ZNF469: variants seen among roughly 807,000 people sequenced by gnomAD.
ZNF469 encodes the protein zinc finger protein 469.
ZNF469 carries 1 observed loss-of-function variant against 1.0 expected under a neutral mutation model. That is an observed-to-expected ratio of 1.00 (90% confidence interval 0.35 to 4.73). The LOEUF is 4.73. ZNF469 is among the 30% of genes most tolerant of loss of function. ZNF469 has a pLI of 0.16. For missense variants in ZNF469, 6,100 were observed against 5,356.3 expected (o/e 1.14, Z -4.33); for synonymous variants, 2,703 against 2,363.4 (o/e 1.14, Z -4.17).
rs563015267 is a variant in ZNF469, at chr16:88,439,850, G to A, written c.*518G>A. ...CTCACTACTTAGAAGGGTTGCTTCT[G>A]AGCCGCCTGGTCCCCCAAGAGCACA... On this transcript the variant is annotated 3_prime_UTR_variant, in exon 3 of 3. Transcript: ENST00000565624. The A allele has an allele frequency of 1.6e-3, 148 of 91,816 alleles. No homozygotes were observed. Among genetic ancestry groups the A allele is most frequent in the Non-Finnish European group, 2.8e-3 (122 of 43,462 alleles). 5.7% of individuals were successfully genotyped at this position (91,816 alleles called of 1,614,324 possible).
chr16:88,147,397 A>G, the ZNF469 span, among the ~76,000 whole-genome samples: 3 of 152,124 alleles, frequency 2.0e-5, no homozygotes, highest in Admixed American at 6.5e-5. Context: ...GACTGTGGCC[A>G]TCGTTCTGGC....
the ZNF469 span, among the ~76,000 whole-genome samples, chr16:88,361,283 G>A: frequency 6.6e-6 from 1 of 152,180 alleles, no homozygotes; most frequent in Non-Finnish European, 1.5e-5. Context: ...AAGCTTCCCT[G>A]GCTTACCTAC....
At chr16:88,301,750 T>C in the ZNF469 span, among the ~76,000 whole-genome samples, 12 of 152,190 alleles carry the variant, frequency 7.9e-5, no homozygotes, top group Non-Finnish European at 1.5e-4. Context: ...GTCCCTTCTG[T>C]CTCTGTGTAC....
chr16:88,126,425 T>G, the ZNF469 span, among the ~76,000 whole-genome samples: 8 of 151,370 alleles, frequency 5.3e-5, no homozygotes, highest in East Asian at 1.4e-3. Context: ...AGCTCTAGAC[T>G]TTACAGAGAT....
intron 1 of ZNF469, among the ~76,000 whole-genome samples, chr16:88,390,639 C>T (rs567466932): frequency 1.3e-5 from 2 of 152,328 alleles, no homozygotes; most frequent in East Asian, 3.9e-4. Flanking sequence ...TGCTAACATT[C>T]GGATGCCGCC....
At chr16:88,156,844 A>G in the ZNF469 span, among the ~76,000 whole-genome samples, 18 of 152,114 alleles carry the variant, frequency 1.2e-4, no homozygotes, top group Admixed American at 1.1e-3. Flanking sequence ...TCTTGTTGCC[A>G]TGCCAACAAC....
the ZNF469 span, among the ~76,000 whole-genome samples, chr16:88,232,540 C>T: frequency 3.9e-5 from 6 of 152,210 alleles, no homozygotes; most frequent in Non-Finnish European, 7.3e-5. Flanking sequence ...CTGCCCTTTG[C>T]GGAAATCATT....
At chr16:88,422,753 TGG>T (rs1905522966) in intron 1 of ZNF469, among the ~76,000 whole-genome samples, 2 of 6,656 alleles carry the variant, frequency 3.0e-4, no homozygotes, top group Admixed American at 0.01. Context: ...AGTGAATGGA[TGG>T]ATGGATGGAT....
the ZNF469 span, among the ~76,000 whole-genome samples, chr16:88,266,734 T>G: frequency 6.6e-6 from 1 of 152,116 alleles, no homozygotes; most frequent in Non-Finnish European, 1.5e-5. Flanking sequence ...CCTTCTGGAG[T>G]TGGAGCAAGT....
At chr16:88,258,114 C>T in the ZNF469 span, among the ~76,000 whole-genome samples, 8 of 152,274 alleles carry the variant, frequency 5.3e-5, no homozygotes, top group African/African-American at 1.7e-4. Context: ...TAGAAGCAGG[C>T]ATTGACAATT....
chr16:88,143,129 C>T, the ZNF469 span, among the ~76,000 whole-genome samples: 3 of 152,164 alleles, frequency 2.0e-5, no homozygotes, highest in Non-Finnish European at 4.4e-5. Context: ...CTGGAGAAGC[C>T]CTGGGGGGGT....
the ZNF469 span, among the ~76,000 whole-genome samples, chr16:88,310,266 T>A: frequency 6.6e-6 from 1 of 151,788 alleles, no homozygotes; most frequent in Non-Finnish European, 1.5e-5. Flanking sequence ...GCAGGAGAGG[T>A]TGGGGGAGGG....
At chr16:88,110,556 TG>T in the ZNF469 span, among the ~76,000 whole-genome samples, 2 of 152,242 alleles carry the variant, frequency 1.3e-5, no homozygotes, top group African/African-American at 4.8e-5. Flanking sequence ...TCCCCAGCCC[TG>T]GTGCAGCCTC....
the ZNF469 span, among the ~76,000 whole-genome samples, chr16:88,291,879 G>A: frequency 6.6e-6 from 1 of 152,162 alleles, no homozygotes; most frequent in Non-Finnish European, 1.5e-5. Flanking sequence ...CTGATGTGGT[G>A]CCTTCAGACC....
chr16:88,265,242 T>G, the ZNF469 span, among the ~76,000 whole-genome samples: 1 of 152,196 alleles, frequency 6.6e-6, no homozygotes, highest in Non-Finnish European at 1.5e-5. Context: ...AGGGGTGACT[T>G]CACCCGGTCG....
chr16:88,408,309 G>T (rs575158495), intron 1 of ZNF469, among the ~76,000 whole-genome samples: 2 of 152,188 alleles, frequency 1.3e-5, no homozygotes, highest in African/African-American at 4.8e-5. Flanking sequence ...CCACCACCAC[G>T]CCCGGCTAAT....
the ZNF469 span, among the ~76,000 whole-genome samples, chr16:88,341,398 G>A: frequency 6.6e-5 from 10 of 152,290 alleles, no homozygotes; most frequent in East Asian, 1.9e-4. Context: ...CTGCTGGGAC[G>A]TGCTGGGCAG....
At chr16:88,325,171 C>T in the ZNF469 span, among the ~76,000 whole-genome samples, 1,350 of 78,200 alleles carry the variant, frequency 0.017, 31 homozygotes, top group African/African-American at 0.07. Context: ...ATACACAGGG[C>T]CTCAAGTCCT....
the ZNF469 span, among the ~76,000 whole-genome samples, chr16:88,285,016 C>T: frequency 5.9e-5 from 9 of 152,246 alleles, no homozygotes; most frequent in African/African-American, 1.9e-4. Context: ...AGCCCACAGC[C>T]GGTTCCCCTA....
Sources: gnomAD v4.1 joint callset for allele counts (sites outside exome capture counted in the v4.1 genomes callset) on GRCh38, gnomAD v4.1.1 for gene constraint, MANE v1.5 for transcripts, NCBI Gene and HGNC (gene_info 2026-07-23, HGNC 2026-07-21) for gene names.